ADPGK: variants seen among roughly 807,000 people sequenced by gnomAD.
The protein encoded by ADPGK is ADP-dependent glucokinase.
Under a neutral mutation model 42.4 loss-of-function variants are expected in ADPGK, and 26 were observed. The ratio of observed to expected loss-of-function variants is 0.61; its 90% CI spans 0.45 to 0.85. The LOEUF (loss-of-function observed/expected upper bound fraction) is 0.85, where lower values mean the gene tolerates loss of function less well. Ranked by LOEUF, ADPGK falls within the 40% of genes least tolerant of loss-of-function variation. The pLI, the probability that ADPGK is intolerant of heterozygous loss-of-function variation, is 0.00. For synonymous variants in ADPGK, 267 were observed against 252.6 expected (o/e 1.06, Z -0.54); for missense variants, 571 against 627.0 (o/e 0.91, Z 0.95).
At chr15:72,772,594 T>A (rs558820675) in intron 2 of ADPGK, among the ~76,000 whole-genome samples, 105 of 152,090 alleles carry the variant, frequency 6.9e-4, no homozygotes, top group Non-Finnish European at 1.4e-3. Context: ...CTAATGCAGC[T>A]CTTGTCTGCT....
intron 5 of ADPGK, chr15:72,755,907 G>A (rs891759649): frequency 1.5e-5 from 10 of 648,738 alleles, no homozygotes; most frequent in Non-Finnish European, 2.6e-5. Flanking sequence ...ACTGCTGTAC[G>A]AATCTGTAGG....
intron 4 of ADPGK, among the ~76,000 whole-genome samples, chr15:72,758,914 ACAGT>A (rs1294665982): frequency 6.6e-6 from 1 of 152,178 alleles, no homozygotes; most frequent in Non-Finnish European, 1.5e-5. Context: ...CTTCCAGTCC[ACAGT>A]CAGGTCATTC....
chr15:72,755,576 T>C lies in ADPGK; in HGVS notation c.919A>G (p.Met307Val). ...ELASMTNREL[M>V]SSIVHQQVFP... ...GTTACCTGATGGACAATGCTGCTCA[T>C]GAGCTCCCTGTTAGTCATACTGGCC... is the stretch of plus-strand genomic sequence containing the variant. Residue 307 changes from methionine (M) to valine (V), a missense_variant, in exon 6 of 7, where the codon ATG becomes GTG. Met to Val is a conservative substitution (Grantham distance 21). Transcript: ENST00000456471. The C allele has an allele frequency of 6.2e-7, 1 of 1,613,900 alleles. No individual in the cohort carries two copies. The highest frequency in any genetic ancestry group is 8.5e-7 in the Non-Finnish European group (1 of 1,179,808).
intron 4 of ADPGK, among the ~76,000 whole-genome samples, chr15:72,759,482 C>G (rs1198823657): frequency 6.6e-6 from 1 of 152,150 alleles, no homozygotes; most frequent in Non-Finnish European, 1.5e-5. Flanking sequence ...CGAAAGAGAA[C>G]CAGAACATGT....
chr15:72,763,738 C>T (rs1237382646), intron 3 of ADPGK, among the ~76,000 whole-genome samples: 1 of 152,176 alleles, frequency 6.6e-6, no homozygotes, highest in African/African-American at 2.4e-5. Context: ...GCAGATACTG[C>T]AGTTTTTACA....
intron 2 of ADPGK, among the ~76,000 whole-genome samples, chr15:72,772,563 C>T (rs2066341477): frequency 6.6e-6 from 1 of 152,166 alleles, no homozygotes; most frequent in African/African-American, 2.4e-5. Flanking sequence ...CTCTTCCTAC[C>T]CCTATAACCT....
intron 4 of ADPGK, chr15:72,758,292 C>A: frequency 1.4e-6 from 1 of 722,178 alleles, no homozygotes. Flanking sequence ...GTATTCATTC[C>A]TGTAAGCAAT....
chr15:72,762,691 G>A (rs1477509045), intron 3 of ADPGK, among the ~76,000 whole-genome samples: 2 of 152,116 alleles, frequency 1.3e-5, no homozygotes, highest in East Asian at 3.9e-4. Flanking sequence ...TAAAAAACAG[G>A]ACTAAACTGG....
chr15:72,767,120 A>ATCAAATGAAAGCTGGAATGGCTATT, intron 3 of ADPGK, among the ~76,000 whole-genome samples: 1 of 152,206 alleles, frequency 6.6e-6, no homozygotes, highest in Non-Finnish European at 1.5e-5. Flanking sequence ...GCCAATACTA[A>ATCAAATGAAAGCTGGAATGGCTATT]TCAAATGAAA....
chr15:72,772,918 T>C (rs2066346128), intron 2 of ADPGK, among the ~76,000 whole-genome samples: 1 of 152,126 alleles, frequency 6.6e-6, no homozygotes, highest in Non-Finnish European at 1.5e-5. Flanking sequence ...AAGGCTGCTG[T>C]TCTATTATAA....
chr15:72,761,614 G>C (rs945042255), intron 3 of ADPGK, among the ~76,000 whole-genome samples: 2 of 152,028 alleles, frequency 1.3e-5, no homozygotes, highest in Admixed American at 1.3e-4. Flanking sequence ...TTCAAGGCCA[G>C]GCTAGCAGAT....
intron 3 of ADPGK, 47 bp downstream of exon 3, chr15:72,771,736 G>C (rs1463883978): frequency 1.3e-6 from 2 of 1,535,506 alleles, no homozygotes; most frequent in Non-Finnish European, 8.9e-7. Context: ...TAAAATTATT[G>C]AAACACTAGG....
chr15:72,767,051 C>T (rs906694646), intron 3 of ADPGK, among the ~76,000 whole-genome samples: 2 of 152,098 alleles, frequency 1.3e-5, no homozygotes, highest in East Asian at 1.9e-4. Flanking sequence ...AAAAAATACA[C>T]TTTAAGGTAA....
At chr15:72,763,326 T>C (rs1252144658) in intron 3 of ADPGK, among the ~76,000 whole-genome samples, 1 of 146,782 alleles carries the variant, frequency 6.8e-6, no homozygotes, top group African/African-American at 2.6e-5. Flanking sequence ...TAATTTTTTT[T>C]TTTTTTTTTT....
chr15:72,756,494 A>G (rs1325177764), intron 4 of ADPGK, 47 bp from the exon 5 acceptor site: 1 of 1,602,624 alleles, frequency 6.2e-7, no homozygotes, highest in East Asian at 2.2e-5. Flanking sequence ...AAGAGGCTTT[A>G]GGTCTCCTAG....
rs1035811570 is a variant in ADPGK at position 72,751,570 on chromosome 15, T to C, written c.*771A>G. Reference sequence around the variant, plus strand: ...ATTCCAGTTGTAAAAAACAAATTCCTTGAAGGCTCAGAACGAACAAAAATC... The same window carrying C: ...ATTCCAGTTGTAAAAAACAAATTCCCTGAAGGCTCAGAACGAACAAAAATC... On this transcript the variant is annotated 3_prime_UTR_variant, in exon 7 of 7. Transcript: ENST00000456471. The C allele has an allele frequency of 6.6e-5, 10 of 152,622 alleles. No homozygotes were observed. The highest frequency in any genetic ancestry group is 2.4e-4 in the African/African-American group (10 of 41,444). The allele number at this position is 152,622 out of a possible 1,614,324, so 9.5% of individuals were successfully genotyped here. A position where few individuals can be genotyped will look rare whatever the true frequency, so the allele number is the denominator to read the frequency against.
intron 3 of ADPGK, among the ~76,000 whole-genome samples, chr15:72,768,870 C>T (rs939067163): frequency 6.6e-6 from 1 of 150,720 alleles, no homozygotes; most frequent in African/African-American, 2.4e-5. Flanking sequence ...CTCAGGAACT[C>T]GGCTGAGGTG....
chr15:72,774,787 G>A lies in ADPGK; in HGVS notation c.459+85C>T, dbSNP rs137947527. The A allele has an allele frequency of 9.7e-4, 1,246 of 1,286,908 alleles. 2 individuals are homozygous for A. Among genetic ancestry groups the A allele is most frequent in the Non-Finnish European group, 1.3e-3 (1,173 of 924,014 alleles). 79.7% of individuals were successfully genotyped at this position (1,286,908 alleles called of 1,614,324 possible). A position where few individuals can be genotyped will look rare whatever the true frequency, so the allele number is the denominator to read the frequency against. On this transcript the variant is annotated intron_variant, in intron 2 of 6. Coordinates refer to ENST00000456471, the MANE Select transcript of ADPGK (RefSeq NM_001365225.1). ...GCTCCCCTCCTCTTCAAACTGGAAT[G>A]AAAAGTTGCTTGCTTGCTTCTAGGA... is the stretch of plus-strand genomic sequence containing the variant.
chr15:72,766,617 C>G (rs1251823472), intron 3 of ADPGK, among the ~76,000 whole-genome samples: 1 of 152,102 alleles, frequency 6.6e-6, no homozygotes, highest in East Asian at 1.9e-4. Flanking sequence ...GTAAACATAC[C>G]TTTTAATGCA....
Sources: allele counts gnomAD v4.1 joint callset (sites outside exome capture counted in the v4.1 genomes callset), GRCh38; gene constraint gnomAD v4.1.1; transcripts MANE v1.5; gene names NCBI Gene and HGNC (gene_info 2026-07-23, HGNC 2026-07-21).